Variants in VAPB observed in about 807,000 individuals in gnomAD.
VAPB encodes vesicle-associated membrane protein-associated protein B/C.
In VAPB, 7 loss-of-function variants were observed where a neutral mutation model predicts 25.6. The observed-to-expected ratio is 0.27, with a 90% CI of 0.16 to 0.51. VAPB has a LOEUF of 0.51. Ranked by LOEUF, VAPB falls within the 20% of genes least tolerant of loss-of-function variation. The pLI, the probability that VAPB is intolerant of heterozygous loss-of-function variation, is 0.97. For missense variants in VAPB, 266 were observed against 301.3 expected (o/e 0.88, Z 0.87); for synonymous variants, 112 against 109.2 (o/e 1.03, Z -0.16).
intron 5 of VAPB, among the ~76,000 whole-genome samples, chr20:58,442,774 T>C (rs914138713): frequency 6.6e-6 from 1 of 152,208 alleles, no homozygotes; most frequent in African/African-American, 2.4e-5. Context: ...GTGTGATCAA[T>C]GTCCCACAGA....
At position 58,446,317 on chromosome 20, in the gene VAPB, C is replaced by G; in HGVS notation, c.*2082C>G. The G allele has an allele frequency of 2.2e-6, 1 of 454,096 alleles. No homozygotes were observed. The highest frequency in any genetic ancestry group is 4.4e-6 in the Non-Finnish European group (1 of 226,794). 28.1% of individuals were successfully genotyped at this position (454,096 alleles called of 1,614,324 possible). ...GACTAAAATTTACTAATTGTAGTTG[C>G]TGCAGCCAGTTAAGTCCTGTAGCTT... On this transcript the variant is annotated 3_prime_UTR_variant, in exon 6 of 6. Coordinates refer to ENST00000475243, the MANE Select transcript of VAPB (RefSeq NM_004738.5).
chr20:58,440,850 A>G, intron 4 of VAPB, 57 bp from the exon 5 acceptor site: 1 of 1,566,732 alleles, frequency 6.4e-7, no homozygotes, highest in East Asian at 2.3e-5. Flanking sequence ...ACTTTGCATA[A>G]AAAAGTCCAT....
At chr20:58,432,238 T>C (rs186423081) in intron 2 of VAPB, 1 of 152,302 alleles carries the variant, frequency 6.6e-6, no homozygotes, top group East Asian at 1.9e-4. Flanking sequence ...TCTGGACCCA[T>C]TGGTTTTTGT....
intron 4 of VAPB, chr20:58,440,564 A>G: frequency 3.4e-6 from 1 of 294,802 alleles, no homozygotes; most frequent in Non-Finnish European, 6.5e-6. Flanking sequence ...TGGTGACAGT[A>G]ATTTGTGGCT....
intron 1 of VAPB, among the ~76,000 whole-genome samples, chr20:58,404,135 T>C (rs1988167309): frequency 6.6e-6 from 1 of 152,208 alleles, no homozygotes; most frequent in East Asian, 1.9e-4. Flanking sequence ...TTATACAGTT[T>C]CCAGAGATAT....
chr20:58,420,884 A>G (rs9679935), intron 2 of VAPB, among the ~76,000 whole-genome samples: 16,502 of 152,238 alleles, frequency 0.11, 1,010 homozygotes, highest in Middle Eastern at 0.17. Flanking sequence ...TTAGACATGC[A>G]TAGCTTGGGA....
intron 2 of VAPB, 97 bp downstream of exon 2, chr20:58,418,460 T>C: frequency 6.8e-7 from 1 of 1,479,602 alleles, no homozygotes; most frequent in Admixed American, 2.0e-5. Context: ...CAGAAGAAGA[T>C]GATAGAATTC....
At chr20:58,423,926 C>T (rs984057004) in intron 2 of VAPB, among the ~76,000 whole-genome samples, 4 of 152,094 alleles carry the variant, frequency 2.6e-5, no homozygotes, top group Non-Finnish European at 5.9e-5. Flanking sequence ...AGAAAATTAC[C>T]AACAAAAATT....
At chr20:58,439,909 G>A in intron 4 of VAPB, 1 of 152,232 alleles carries the variant, frequency 6.6e-6, no homozygotes, top group East Asian at 1.9e-4. Context: ...TGCAGCATGT[G>A]AAACTATCCT....
At chr20:58,437,165 T>C (rs1055385999) in intron 3 of VAPB, among the ~76,000 whole-genome samples, 1 of 151,820 alleles carries the variant, frequency 6.6e-6, no homozygotes, top group East Asian at 1.9e-4. Flanking sequence ...GGGGTCTCAC[T>C]ATGTTGCCCA....
At chr20:58,407,065 C>G (rs561269409) in intron 1 of VAPB, among the ~76,000 whole-genome samples, 11 of 152,208 alleles carry the variant, frequency 7.2e-5, no homozygotes, top group African/African-American at 2.4e-4. Flanking sequence ...TAAAATTCAT[C>G]TGTGAATAAT....
At chr20:58,440,419 T>C (rs890479052) in intron 4 of VAPB, 3 of 166,848 alleles carry the variant, frequency 1.8e-5, no homozygotes, top group African/African-American at 4.8e-5. Context: ...GATTGAAACA[T>C]TGCAGACACT....
rs1157351308 is a variant in VAPB at position 58,450,016 on chromosome 20, C to G, written c.*5781C>G. ...CAATTTCATCCAGGCTTAGTGCTAA[C>G]AAGATTGCGGGGCTTTTTAGGGTTT... On this transcript the variant is annotated 3_prime_UTR_variant, in exon 6 of 6. Coordinates refer to ENST00000475243, the MANE Select transcript of VAPB (RefSeq NM_004738.5). 1 of 453,778 alleles carries G rather than the reference C, an allele frequency of 2.2e-6. No individual in the cohort carries two copies. Among genetic ancestry groups the G allele is most frequent in the Non-Finnish European group, 4.4e-6 (1 of 226,762 alleles). 28.1% of individuals were successfully genotyped at this position (453,778 alleles called of 1,614,324 possible). A position where few individuals can be genotyped will look rare whatever the true frequency, so the allele number is the denominator to read the frequency against.
intron 2 of VAPB, 41 bp from the exon 3 acceptor site, chr20:58,434,561 A>G (rs370529483): frequency 1.3e-5 from 13 of 1,019,798 alleles, no homozygotes; most frequent in Non-Finnish European, 2.0e-5. Context: ...GGCACTGACA[A>G]CCAAGCTCTG....
chr20:58,407,406 C>G (rs1386873090), intron 1 of VAPB, among the ~76,000 whole-genome samples: 1 of 152,078 alleles, frequency 6.6e-6, no homozygotes, highest in African/African-American at 2.4e-5. Context: ...CAAGTCTGAA[C>G]AAGTAGAAAA....
chr20:58,423,447 A>AAAAAAAAAAAAAAAC (rs1988717952), intron 2 of VAPB, among the ~76,000 whole-genome samples: 1 of 145,638 alleles, frequency 6.9e-6, no homozygotes, highest in Non-Finnish European at 1.5e-5. Flanking sequence ...AAAAAAAAAA[A>AAAAAAAAAAAAAAAC]AAGAAAAGAA....
chr20:58,437,743 C>A (rs1462874956), intron 3 of VAPB, among the ~76,000 whole-genome samples: 1 of 152,184 alleles, frequency 6.6e-6, no homozygotes, highest in Non-Finnish European at 1.5e-5. Flanking sequence ...ACATTTTCTC[C>A]ATCTAACTGA....
At chr20:58,413,662 A>G (rs906352006) in intron 1 of VAPB, among the ~76,000 whole-genome samples, 43 of 151,796 alleles carry the variant, frequency 2.8e-4, no homozygotes, top group African/African-American at 1.0e-3. Flanking sequence ...GCTGTTGGGC[A>G]CACCTCCCAG....
intron 2 of VAPB, among the ~76,000 whole-genome samples, chr20:58,426,084 T>G (rs1021694040): frequency 2.0e-5 from 3 of 151,932 alleles, no homozygotes; most frequent in Non-Finnish European, 4.4e-5. Flanking sequence ...TAGTTAGGGA[T>G]GGGATTTCAC....
Sources: gnomAD v4.1 joint callset for allele counts (sites outside exome capture counted in the v4.1 genomes callset) on GRCh38, gnomAD v4.1.1 for gene constraint, MANE v1.5 for transcripts, NCBI Gene and HGNC (gene_info 2026-07-23, HGNC 2026-07-21) for gene names.